Variants in ARHGAP15 observed in about 807,000 individuals in gnomAD.
The protein encoded by ARHGAP15 is Rho GTPase activating protein 15, also known as rho GTPase-activating protein 15.
Under a neutral mutation model 63.7 loss-of-function variants are expected in ARHGAP15, and 51 were observed. The observed-to-expected ratio is 0.80, with a 90% CI of 0.64 to 1.01. The LOEUF (loss-of-function observed/expected upper bound fraction) is 1.01, where lower values mean the gene tolerates loss of function less well. Among genes scored for constraint, ARHGAP15 ranks in the 50% least tolerant of loss-of-function variants. The pLI is 0.00. For synonymous variants in ARHGAP15, 191 were observed against 193.8 expected (o/e 0.99, Z 0.12); for missense variants, 560 against 564.6 (o/e 0.99, Z 0.08).
At chr2:143,380,406 A>T (rs1473232688) in intron 6 of ARHGAP15, among the ~76,000 whole-genome samples, 1 of 152,134 alleles carries the variant, frequency 6.6e-6, no homozygotes, top group Non-Finnish European at 1.5e-5. Flanking sequence ...CTGACTATAA[A>T]AGTGACTGTA....
intron 6 of ARHGAP15, among the ~76,000 whole-genome samples, chr2:143,407,247 C>T (rs1007760938): frequency 6.6e-6 from 1 of 151,316 alleles, no homozygotes; most frequent in Non-Finnish European, 1.5e-5. Flanking sequence ...TGATAGATAT[C>T]TCTCTCTCTC....
At chr2:143,314,770 A>G (rs997200180) in intron 6 of ARHGAP15, among the ~76,000 whole-genome samples, 1 of 141,592 alleles carries the variant, frequency 7.1e-6, no homozygotes, top group Non-Finnish European at 1.5e-5. Context: ...TGACCTTGCA[A>G]AAGTGTGTTT....
intron 13 of ARHGAP15, among the ~76,000 whole-genome samples, chr2:143,731,223 G>A (rs1685519815): frequency 6.6e-6 from 1 of 152,052 alleles, no homozygotes; most frequent in South Asian, 2.1e-4. Context: ...GAAAGAAAAT[G>A]GAAATAAACT....
chr2:143,250,454 T>A lies in ARHGAP15; in HGVS notation c.385-57T>A. On this transcript the variant is annotated intron_variant, in intron 5 of 13. Coordinates refer to ENST00000295095, the MANE Select transcript of ARHGAP15 (RefSeq NM_018460.4). ...CTAACTCAATAAACTCCTATTTCTC[T>A]GACATCTATCTACAGTGTTGCATCC... 5.3e-6 allele frequency: 7 copies of A among 1,329,176 alleles called. 1 individual carries two copies. The highest frequency in any genetic ancestry group is 4.3e-6 in the Non-Finnish European group (4 of 929,550). 82.3% of individuals were successfully genotyped at this position (1,329,176 alleles called of 1,614,324 possible).
chr2:143,196,901 A>T (rs1472521692), intron 2 of ARHGAP15, among the ~76,000 whole-genome samples: 1 of 151,942 alleles, frequency 6.6e-6, no homozygotes, highest in Admixed American at 6.6e-5. Flanking sequence ...AAGAGAAAAT[A>T]ATTTATTGAA....
chr2:143,498,390 G>C (rs922555060), intron 9 of ARHGAP15, among the ~76,000 whole-genome samples: 1 of 152,128 alleles, frequency 6.6e-6, no homozygotes, highest in African/African-American at 2.4e-5. Flanking sequence ...AATTTGGATA[G>C]TCATAATTGG....
intron 11 of ARHGAP15, among the ~76,000 whole-genome samples, chr2:143,606,038 A>C (rs1321778268): frequency 2.1e-5 from 1 of 48,630 alleles, no homozygotes; most frequent in Non-Finnish European, 5.5e-5. Context: ...TCTGTCTCAA[A>C]AAAAAAAAAA....
chr2:143,608,879 A>C (rs555066784), intron 11 of ARHGAP15: 13 of 152,296 alleles, frequency 8.5e-5, no homozygotes, highest in African/African-American at 2.9e-4. Context: ...GTCATGAGTT[A>C]ATTATGTTAA....
chr2:143,153,791 C>A (rs1157691368), intron 1 of ARHGAP15, among the ~76,000 whole-genome samples: 9 of 36,490 alleles, frequency 2.5e-4, no homozygotes, highest in African/African-American at 9.3e-4. Context: ...TCTTCTTCTT[C>A]TTCTTCTTCT....
chr2:143,354,772 A>G (rs1026914195), intron 6 of ARHGAP15, among the ~76,000 whole-genome samples: 1 of 152,198 alleles, frequency 6.6e-6, no homozygotes, highest in African/African-American at 2.4e-5. Flanking sequence ...TTAATTTTGC[A>G]AAACATTAAT....
At chr2:143,442,821 A>C (rs1689949849) in intron 8 of ARHGAP15, among the ~76,000 whole-genome samples, 1 of 152,142 alleles carries the variant, frequency 6.6e-6, no homozygotes, top group Non-Finnish European at 1.5e-5. Flanking sequence ...ACCCACACAA[A>C]AGTAGGTATG....
At chr2:143,425,762 T>TAA (rs1553478692) in intron 6 of ARHGAP15, among the ~76,000 whole-genome samples, 2 of 151,918 alleles carry the variant, frequency 1.3e-5, no homozygotes, top group Non-Finnish European at 2.9e-5. Flanking sequence ...GATAGTTAGT[T>TAA]TCATTCCTAA....
At chr2:143,577,985 T>TGA (rs1696738548) in intron 11 of ARHGAP15, among the ~76,000 whole-genome samples, 1 of 152,210 alleles carries the variant, frequency 6.6e-6, no homozygotes, top group South Asian at 2.1e-4. Context: ...GCAATTCTCT[T>TGA]ACTTGCAAGC....
At chr2:143,402,831 CT>C (rs1688041209) in intron 6 of ARHGAP15, among the ~76,000 whole-genome samples, 1 of 151,852 alleles carries the variant, frequency 6.6e-6, no homozygotes, top group South Asian at 2.1e-4. Flanking sequence ...GATTGTTTTT[CT>C]TAATTGAAGG....
chr2:143,428,815 G>C (rs1442841169), intron 6 of ARHGAP15, among the ~76,000 whole-genome samples: 1 of 151,996 alleles, frequency 6.6e-6, no homozygotes, highest in Non-Finnish European at 1.5e-5. Context: ...GAAAACAATG[G>C]GGGCAGCAGA....
intron 1 of ARHGAP15, among the ~76,000 whole-genome samples, chr2:143,131,536 C>A (rs550797784): frequency 1.3e-5 from 2 of 152,184 alleles, no homozygotes; most frequent in Non-Finnish European, 2.9e-5. Context: ...GAGCGGCCTG[C>A]TCTGCTCCTA....
chr2:143,544,222 G>A (rs1463584742), intron 10 of ARHGAP15, among the ~76,000 whole-genome samples: 1 of 152,158 alleles, frequency 6.6e-6, no homozygotes, highest in East Asian at 1.9e-4. Flanking sequence ...GATTTCTACT[G>A]TGTGTCCCAT....
chr2:143,664,690 AAGAG>A (rs1249309364), intron 12 of ARHGAP15, among the ~76,000 whole-genome samples: 5 of 152,316 alleles, frequency 3.3e-5, no homozygotes, highest in East Asian at 1.9e-4. Flanking sequence ...TAAAGAAAAA[AAGAG>A]AGAAGAATCA....
intron 10 of ARHGAP15, among the ~76,000 whole-genome samples, chr2:143,538,784 G>A (rs1694901180): frequency 6.6e-6 from 1 of 152,196 alleles, no homozygotes; most frequent in African/African-American, 2.4e-5. Context: ...CGGTTTGCCA[G>A]TATTTTATTG....
Sources: gnomAD v4.1 joint callset for allele counts (sites outside exome capture counted in the v4.1 genomes callset) on GRCh38, gnomAD v4.1.1 for gene constraint, MANE v1.5 for transcripts, NCBI Gene and HGNC (gene_info 2026-07-23, HGNC 2026-07-21) for gene names.